TECTB: variants seen among roughly 807,000 people sequenced by gnomAD.
The protein encoded by TECTB is tectorin beta.
In TECTB, 45 loss-of-function variants were observed where a neutral mutation model predicts 43.3. The observed-to-expected ratio is 1.04, with a 90% CI of 0.82 to 1.33. The LOEUF (loss-of-function observed/expected upper bound fraction) is 1.33. Among genes scored for constraint, TECTB ranks in the 40% most tolerant of loss-of-function variants. TECTB has a pLI of 0.00. For missense variants in TECTB, 399 were observed against 404.7 expected (o/e 0.99, Z 0.12); for synonymous variants, 169 against 156.7 (o/e 1.08, Z -0.59).
chr10:112,300,162 CA>C lies in TECTB; in HGVS notation c.907+612del, dbSNP rs1306586232. On this transcript the variant is annotated intron_variant, in intron 9 of 10. Transcript: ENST00000646139. ...GGGCAACAAGAGCGAAACTCCGTCT[CA>C]AAAAAAAAAAAAAGAAAGAAAGAAA... is the stretch of plus-strand genomic sequence containing the variant. 7.8e-3 allele frequency among the ~76,000 whole-genome samples: 311 copies of C among 39,944 alleles called. 7 individuals are homozygous for C. In the South Asian group the frequency reaches 0.1, roughly 13 times the overall value. The allele number at this position is 39,944 out of a possible 152,430, so 26.2% of individuals were successfully genotyped here. A position where few individuals can be genotyped will look rare whatever the true frequency, so the allele number is the denominator to read the frequency against.
intron 2 of TECTB, 21 bp from the exon 3 acceptor site, chr10:112,284,514 C>G (rs1416955211): frequency 6.4e-7 from 1 of 1,571,422 alleles, no homozygotes; most frequent in Non-Finnish European, 8.7e-7. Flanking sequence ...TGATTTTAAA[C>G]TATATGTGTG....
intron 5 of TECTB, 108 bp downstream of exon 5, chr10:112,286,499 A>G (rs1848455931): frequency 8.5e-7 from 1 of 1,172,756 alleles, no homozygotes; most frequent in Non-Finnish European, 1.2e-6. Flanking sequence ...GCAGAGCCCC[A>G]TTCTTAAATT....
At chr10:112,288,964 C>T (rs779176473) in intron 5 of TECTB, among the ~76,000 whole-genome samples, 1 of 152,180 alleles carries the variant, frequency 6.6e-6, no homozygotes, top group Non-Finnish European at 1.5e-5. Flanking sequence ...TCTCAACAGA[C>T]CACTAGTTTG....
intron 5 of TECTB, among the ~76,000 whole-genome samples, chr10:112,289,528 GCT>G (rs575031832): frequency 2.4e-4 from 36 of 152,258 alleles, no homozygotes; most frequent in African/African-American, 8.7e-4. Context: ...TTTTAGATCA[GCT>G]CTGATATCTG....
intron 2 of TECTB, 23 bp downstream of exon 2, chr10:112,283,833 T>C: frequency 6.2e-7 from 1 of 1,611,402 alleles, no homozygotes; most frequent in Non-Finnish European, 8.5e-7. Flanking sequence ...CAAGTCCATT[T>C]TCCTGGGACG....
Position 112,298,073 on chromosome 10 carries a change from C to G in TECTB, c.676C>G (p.Pro226Ala), listed in dbSNP as rs767180634. 2.5e-6 allele frequency: 4 copies of G among 1,614,022 alleles called. No homozygotes were observed. The highest frequency in any genetic ancestry group is 1.3e-5 in the African/African-American group (1 of 74,906). The change falls in exon 8 of 11, where the codon CCC (proline) becomes GCC (alanine). Residue 226 changes from proline to alanine, a missense_variant. By Grantham distance (27) the Pro-to-Ala change is conservative. Transcript: ENST00000646139. Reference sequence around the variant, plus strand: ...TTCTTTCCCCATCTGCCTCAGCTGCCCCACGGATGAAACCGTCCTCGTGCA... The same window carrying G: ...TTCTTTCCCCATCTGCCTCAGCTGCGCCACGGATGAAACCGTCCTCGTGCA... ...LQWQLINKGC[P>A]TDETVLVHEN...
At chr10:112,294,379 T>TGTGTGTGTGCGCATGC (rs1491351015) in intron 7 of TECTB, among the ~76,000 whole-genome samples, 1 of 152,026 alleles carries the variant, frequency 6.6e-6, no homozygotes, top group African/African-American at 2.4e-5. Context: ...TCATATTAAA[T>TGTGTGTGTGCGCATGC]GTGTGTGTGC....
At chr10:112,301,773 C>T (rs980259261) in intron 9 of TECTB, among the ~76,000 whole-genome samples, 2 of 152,044 alleles carry the variant, frequency 1.3e-5, no homozygotes, top group Admixed American at 1.3e-4. Context: ...GAGACCGTGT[C>T]GCCCAGGTTG....
At chr10:112,291,765 G>T (rs1349589837) in intron 5 of TECTB, among the ~76,000 whole-genome samples, 1 of 152,240 alleles carries the variant, frequency 6.6e-6, no homozygotes, top group Admixed American at 6.5e-5. Flanking sequence ...CTTGCCTATA[G>T]TGTGTCCCAA....
In TECTB at chr10:112,299,551, G is replaced by A. The variant is rs371428197; in HGVS notation, c.894G>A (p.Glu298=). The A allele has an allele frequency of 1.8e-5, 29 of 1,610,566 alleles. No homozygotes were observed. Among genetic ancestry groups the A allele is most frequent in the Non-Finnish European group, 2.5e-5 (29 of 1,179,454 alleles). ...AGACCGGGGGAGTCCTGGTCGTGGA[G>A]CTCTCCCTGCGGAGTAAGCGTCTCT... ...RDQTGGVLVV[E]LSLRSRGFSS... The change falls in exon 9 of 11, where the codon GAG becomes GAA. Residue 298 remains glutamate (E), a synonymous_variant. Transcript: ENST00000646139.
intron 2 of TECTB, among the ~76,000 whole-genome samples, chr10:112,284,136 G>A (rs1240382024): frequency 6.6e-6 from 1 of 151,128 alleles, no homozygotes; most frequent in East Asian, 1.9e-4. Context: ...TTTCTATCTT[G>A]TGCCCTAAAT....
At chr10:112,289,478 C>T (rs1324835982) in intron 5 of TECTB, among the ~76,000 whole-genome samples, 1 of 152,172 alleles carries the variant, frequency 6.6e-6, no homozygotes, top group Admixed American at 6.5e-5. Flanking sequence ...GGGGTGGCCT[C>T]CCTGCCTCTT....
At chr10:112,286,627 A>G (rs1306972450) in intron 5 of TECTB, among the ~76,000 whole-genome samples, 1 of 152,186 alleles carries the variant, frequency 6.6e-6, no homozygotes, top group African/African-American at 2.4e-5. Context: ...AAGCTATAAT[A>G]CCAACCTTCT....
chr10:112,302,441 T>A (rs1848620174), intron 10 of TECTB: 1 of 425,700 alleles, frequency 2.3e-6, no homozygotes, highest in African/African-American at 2.0e-5. Flanking sequence ...CAGAACAAGA[T>A]TTTCAGTGAT....
intron 9 of TECTB, among the ~76,000 whole-genome samples, chr10:112,300,445 G>A (rs1848601909): frequency 6.6e-6 from 1 of 152,120 alleles, no homozygotes; most frequent in South Asian, 2.1e-4. Context: ...GGCCTGGCAG[G>A]GCACTAGGAT....
intron 9 of TECTB, among the ~76,000 whole-genome samples, chr10:112,300,204 G>GAGAC (rs201058144): frequency 7.7e-5 from 7 of 91,106 alleles, no homozygotes; most frequent in Non-Finnish European, 1.6e-4. Flanking sequence ...GAAAGAAAGA[G>GAGAC]AGACAGACAG....
chr10:112,301,788 G>A (rs1848614424), intron 9 of TECTB, among the ~76,000 whole-genome samples: 1 of 152,058 alleles, frequency 6.6e-6, no homozygotes, highest in Non-Finnish European at 1.5e-5. Context: ...AGGTTGGAGT[G>A]CAATGACGTG....
chr10:112,288,704 A>G (rs1285609043), intron 5 of TECTB, among the ~76,000 whole-genome samples: 2 of 152,194 alleles, frequency 1.3e-5, no homozygotes, highest in African/African-American at 4.8e-5. Context: ...TCTGCCCTAG[A>G]TAACACAATG....
intron 1 of TECTB, 63 bp downstream of exon 1, chr10:112,283,559 G>A (rs1180298811): frequency 3.3e-5 from 20 of 612,450 alleles, no homozygotes; most frequent in South Asian, 4.4e-5. Context: ...ACACAACATC[G>A]TTTATCTCCC....
Sources: gnomAD v4.1 joint callset for allele counts (sites outside exome capture counted in the v4.1 genomes callset) on GRCh38, gnomAD v4.1.1 for gene constraint, MANE v1.5 for transcripts, NCBI Gene and HGNC (gene_info 2026-07-23, HGNC 2026-07-21) for gene names.